Variants in POU2F2 observed in about 807,000 individuals in gnomAD.
The protein encoded by POU2F2 is POU domain, class 2, transcription factor 2.
In POU2F2, 14 loss-of-function variants were observed where a neutral mutation model predicts 63.5. The ratio of observed to expected loss-of-function variants is 0.22; its 90% CI spans 0.15 to 0.34. The LOEUF (loss-of-function observed/expected upper bound fraction) is 0.34, where lower values mean the gene tolerates loss of function less well. POU2F2 is among the 10% of genes least tolerant of loss of function. The pLI is 1.00. For synonymous variants in POU2F2, 306 were observed against 348.6 expected, an observed-to-expected ratio of 0.88 and a Z score of 1.36; for missense variants, 607 against 815.2, an observed-to-expected ratio of 0.74 and a Z score of 3.11.
intron 11 of POU2F2, among the ~76,000 whole-genome samples, chr19:42,094,138 C>T (rs1167795977): frequency 6.6e-6 from 1 of 152,246 alleles, no homozygotes; most frequent in African/African-American, 2.4e-5. Flanking sequence ...CCCCATCTGG[C>T]TAGTCTTTGC....
In POU2F2 at chr19:42,132,418, C is replaced by T. The variant is rs942657563; in HGVS notation, c.-7G>A. Reference sequence around the variant, plus strand: ...CCATGCTGGAGTGAACCATGCTGCCCGCCCCGCCAGGGCTGGGGGAACAAC... The same window carrying T: ...CCATGCTGGAGTGAACCATGCTGCCTGCCCCGCCAGGGCTGGGGGAACAAC... On this transcript the variant is annotated 5_prime_UTR_variant, in exon 1 of 15. Coordinates refer to ENST00000692977, the MANE Select transcript of POU2F2 (RefSeq NM_001394376.1). 3.3e-6 allele frequency: 5 copies of T among 1,504,912 alleles called. No homozygotes were observed. The Admixed American group carries it at 7.5e-5, about 23-fold the overall frequency. The allele number at this position is 1,504,912 out of a possible 1,614,324, so 93.2% of individuals were successfully genotyped here.
At chr19:42,192,996 G>A (rs940181863) in intron 1 of POU2F2, among the ~76,000 whole-genome samples, 2 of 151,840 alleles carry the variant, frequency 1.3e-5, no homozygotes, top group East Asian at 1.9e-4. Flanking sequence ...TGAGGCGGGC[G>A]GATCACGAAG....
At chr19:42,195,126 A>AGG (rs2035126006) in intron 1 of POU2F2, among the ~76,000 whole-genome samples, 1 of 49,886 alleles carries the variant, frequency 2.0e-5, no homozygotes, top group African/African-American at 8.7e-5. Context: ...AGGAACGAAG[A>AGG]GAGGGAGGAA....
chr19:42,096,256 G>T lies in POU2F2; in HGVS notation c.568-13C>A. On this transcript the variant is annotated splice_polypyrimidine_tract_variant and intron_variant, in intron 7 of 14. Transcript: ENST00000692977. The surrounding 1 kb of genome is among the most constrained non-coding windows in gnomAD (Gnocchi z 4.1). ...GGCGGGTCACGGCCTGGTGGGGTGG[G>T]CAGGTGGGTGGGATGCAGGGCGGAG... 1 of 1,416,042 alleles carries T rather than the reference G, an allele frequency of 7.1e-7. No individual in the cohort carries two copies. Among genetic ancestry groups the T allele is most frequent in the Non-Finnish European group, 9.7e-7 (1 of 1,029,516 alleles). The allele number at this position is 1,416,042 out of a possible 1,614,324, so 87.7% of individuals were successfully genotyped here.
chr19:42,113,974 G>A lies in POU2F2; in HGVS notation c.369+3276C>T, dbSNP rs541883742. Among the ~76,000 whole-genome samples, 6 of 152,326 alleles carry A rather than the reference G, an allele frequency of 3.9e-5. No homozygotes were observed. In the South Asian group the frequency reaches 1.2e-3, roughly 32 times the overall value. ...AGAAATGACGTCAAAGGGCAACTCAGTTTGTGAGAGAGAATTCCCAGAAAA... is the reference window on the plus strand; with the variant it reads ...AGAAATGACGTCAAAGGGCAACTCAATTTGTGAGAGAGAATTCCCAGAAAA... On this transcript the variant is annotated intron_variant, in intron 5 of 14. Transcript: ENST00000692977.
intron 1 of POU2F2, among the ~76,000 whole-genome samples, chr19:42,124,166 T>C (rs1235312258): frequency 2.0e-5 from 3 of 151,946 alleles, no homozygotes; most frequent in Non-Finnish European, 4.4e-5. Flanking sequence ...TAGCTGGGCA[T>C]GATGGCACGC....
At chr19:42,181,059 A>G (rs753166524) in intron 1 of POU2F2, among the ~76,000 whole-genome samples, 1 of 152,164 alleles carries the variant, frequency 6.6e-6, no homozygotes, top group Non-Finnish European at 1.5e-5. Flanking sequence ...CATGATTGGT[A>G]TCTTAATTAT....
chr19:42,141,699 C>T (rs1282568616), intron 2 of POU2F2, among the ~76,000 whole-genome samples: 6 of 151,936 alleles, frequency 3.9e-5, no homozygotes, highest in Non-Finnish European at 7.4e-5. Context: ...AGGCTGGTCT[C>T]GAACTCCCAA....
chr19:42,142,170 T>G (rs185227228), intron 2 of POU2F2, among the ~76,000 whole-genome samples: 3 of 152,324 alleles, frequency 2.0e-5, no homozygotes, highest in Non-Finnish European at 4.4e-5. Context: ...TTATAACCTC[T>G]TTTGTAGTAA....
Position 42,095,238 on chromosome 19 carries a change from C to A in POU2F2, c.1197+48G>T. ...AGGTAGGGTGGGCTTCACACAGGTG[C>A]CTGCGGAGCTCTGTGGTCTCCCCAC... is the stretch of plus-strand genomic sequence containing the variant. On this transcript the variant is annotated intron_variant, in intron 11 of 14. Transcript: ENST00000692977. The surrounding 1 kb of genome is among the most constrained non-coding windows in gnomAD (Gnocchi z 7.1). 6.4e-7 allele frequency: 1 copy of A among 1,568,916 alleles called. No individual in the cohort carries two copies. The highest frequency in any genetic ancestry group is 1.2e-5 in the South Asian group (1 of 86,854).
Position 42,156,758 on chromosome 19 carries a change from C to A in POU2F2, c.-9+3574G>T, listed in dbSNP as rs1307136971. ...AAGGCCTGCGCCTCCCATCCCAGGG[C>A]AGCCCCCCCGCCATACCTACACTCT... On this transcript the variant is annotated intron_variant, in intron 2 of 6. Transcript: ENST00000524801. The surrounding 1 kb of genome is among the most constrained non-coding windows in gnomAD (Gnocchi z 4.1). 6.7e-6 allele frequency: 1 copy of A among 149,814 alleles called. No individual in the cohort carries two copies. Among genetic ancestry groups the A allele is most frequent in the Non-Finnish European group, 1.5e-5 (1 of 66,780 alleles). 9.3% of individuals were successfully genotyped at this position (149,814 alleles called of 1,614,324 possible). A position where few individuals can be genotyped will look rare whatever the true frequency, so the allele number is the denominator to read the frequency against.
chr19:42,148,986 C>A (rs1379260966), intron 2 of POU2F2, among the ~76,000 whole-genome samples: 1 of 151,848 alleles, frequency 6.6e-6, no homozygotes, highest in Non-Finnish European at 1.5e-5. Context: ...CTAGACCTGC[C>A]CACGTCTGCA....
intron 5 of POU2F2, among the ~76,000 whole-genome samples, chr19:42,109,164 G>A (rs953301646): frequency 1.3e-5 from 2 of 152,224 alleles, no homozygotes; most frequent in Non-Finnish European, 2.9e-5. Flanking sequence ...CAGTGAACTT[G>A]AGGAGTTCAC....
intron 1 of POU2F2, among the ~76,000 whole-genome samples, chr19:42,124,474 T>C (rs563352153): frequency 6.6e-6 from 1 of 151,414 alleles, no homozygotes; most frequent in Non-Finnish European, 1.5e-5. Context: ...AAACAGGTCA[T>C]GCATTGCTGG....
chr19:42,130,716 C>CT, intron 1 of POU2F2, among the ~76,000 whole-genome samples: 1 of 151,454 alleles, frequency 6.6e-6, no homozygotes, highest in African/African-American at 2.4e-5. Context: ...CCACCCCTCT[C>CT]CTCACCGCCT....
intron 1 of POU2F2, among the ~76,000 whole-genome samples, chr19:42,123,985 G>C (rs989164180): frequency 2.0e-5 from 3 of 152,052 alleles, no homozygotes; most frequent in African/African-American, 7.3e-5. Context: ...TCCAACTCTA[G>C]TGTTCTCTGC....
rs985103362 is a variant in POU2F2, at chr19:42,091,863, G to C, written c.1540+4C>G. The C allele has an allele frequency of 6.5e-7, 1 of 1,538,748 alleles. No individual in the cohort carries two copies. The highest frequency in any genetic ancestry group is 2.4e-5 in the East Asian group (1 of 40,914). On this transcript the variant is annotated splice_donor_region_variant and intron_variant, in intron 14 of 14. Coordinates refer to ENST00000692977, the MANE Select transcript of POU2F2 (RefSeq NM_001394376.1). ...CGATGGGTGTGACATGAGGCAGCAC[G>C]CACCTTGGATAGTGGCCAAAGGGTT...
intron 5 of POU2F2, among the ~76,000 whole-genome samples, chr19:42,103,360 C>A (rs1485179791): frequency 6.6e-6 from 1 of 152,184 alleles, no homozygotes; most frequent in East Asian, 1.9e-4. Context: ...TCCTCAGTGC[C>A]TAGAACAGCA....
intron 1 of POU2F2, among the ~76,000 whole-genome samples, chr19:42,186,885 A>T (rs937192442): frequency 2.0e-5 from 3 of 152,000 alleles, no homozygotes; most frequent in Non-Finnish European, 2.9e-5. Context: ...AAATAGGAGG[A>T]GGCACAGAAC....
Sources: gnomAD v4.1 joint callset for allele counts (sites outside exome capture counted in the v4.1 genomes callset) on GRCh38, gnomAD v4.1.1 for gene constraint, Gnocchi (gnomAD v3.1) non-coding constraint, MANE v1.5 for transcripts, NCBI Gene and HGNC (gene_info 2026-07-23, HGNC 2026-07-21) for gene names.